CYBB: variants seen among roughly 807,000 people sequenced by gnomAD.
CYBB encodes the protein NADPH oxidase 2.
A neutral mutation model predicts 46.5 loss-of-function variants in CYBB; 5 were observed. That is an observed-to-expected ratio of 0.11 (90% confidence interval 0.06 to 0.23). CYBB has a LOEUF of 0.23. Among genes scored for constraint, CYBB ranks in the 10% least tolerant of loss-of-function variants. The pLI is 1.00. For synonymous variants in CYBB, 183 were observed against 156.7 expected (o/e 1.17, Z -1.26); for missense variants, 307 against 428.3 (o/e 0.72, Z 2.50).
At position 37,813,060 on chromosome X, in the gene CYBB, C is replaced by T. The variant is rs1929706056; in HGVS notation, c.*2143C>T. Reference sequence around the variant, plus strand: ...CAAGGTTTTCTATCTTCAAAACCAACTAAGTTATGAAAGTAGAGAGATCTG... The same window carrying T: ...CAAGGTTTTCTATCTTCAAAACCAATTAAGTTATGAAAGTAGAGAGATCTG... On this transcript the variant is annotated 3_prime_UTR_variant, in exon 13 of 13. Coordinates refer to ENST00000378588, the MANE Select transcript of CYBB (RefSeq NM_000397.4). The T allele has an allele frequency of 9.0e-6, 1 of 111,365 alleles. No homozygotes were observed. The highest frequency in any genetic ancestry group is 1.9e-5 in the Non-Finnish European group (1 of 53,112). The allele number at this position is 111,365 out of a possible 1,213,427, so 9.2% of individuals were successfully genotyped here. A position where few individuals can be genotyped will look rare whatever the true frequency, so the allele number is the denominator to read the frequency against.
intron 4 of CYBB, among the ~76,000 whole-genome samples, chrX:37,793,062 G>A (rs1250222061): frequency 6.6e-5 from 7 of 105,337 alleles, no homozygotes; most frequent in Non-Finnish European, 1.4e-4. Context: ...GTCAATGTAA[G>A]GATTAAGTCA....
rs954738779 is a variant in CYBB at position 37,789,910 on chromosome X, A to G, written c.253-2065A>G. Among the ~76,000 whole-genome samples, 9 of 111,625 alleles carry G rather than the reference A, an allele frequency of 8.1e-5. No individual in the cohort carries two copies. In the South Asian group the frequency reaches 1.9e-3, roughly 23 times the overall value. On this transcript the variant is annotated intron_variant, in intron 3 of 12. Coordinates refer to ENST00000378588, the MANE Select transcript of CYBB (RefSeq NM_000397.4). ...CCCTAAGCACTGGCACTTCCAATCC[A>G]TGCGACAACTGCCCTTTGCAAGCAT...
intron 7 of CYBB, among the ~76,000 whole-genome samples, chrX:37,799,996 T>G (rs782752615): frequency 9.0e-6 from 1 of 111,387 alleles, no homozygotes; most frequent in Non-Finnish European, 1.9e-5. Context: ...AGACACAGCA[T>G]ACTATATGAA....
chrX:37,783,449 G>C (rs782195672), intron 2 of CYBB, 41 bp from the exon 3 acceptor site: 1 of 920,913 alleles, frequency 1.1e-6, no homozygotes. Context: ...CATATTCTGT[G>C]CTCAAAAAAG....
In CYBB at chrX:37,796,804, T is replaced by C. The variant is rs782219888; in HGVS notation, c.674+663T>C. 2.7e-5 allele frequency among the ~76,000 whole-genome samples: 3 copies of C among 111,782 alleles called. No homozygotes were observed. The East Asian group carries it at 8.5e-4, about 32-fold the overall frequency. On this transcript the variant is annotated intron_variant, in intron 6 of 12. Coordinates refer to ENST00000378588, the MANE Select transcript of CYBB (RefSeq NM_000397.4). ...GGATAGTAATTGCAGACAAGAAACC[T>C]GGAGCTAAAATGTTAAAATATGCAG...
In CYBB at chrX:37,806,621, T is replaced by C. The variant is rs1569480148; in HGVS notation, c.1461+88T>C. The C allele has an allele frequency of 4.5e-6, 4 of 898,204 alleles. No homozygotes were observed. The East Asian group carries it at 1.3e-4, about 30-fold the overall frequency. The allele number at this position is 898,204 out of a possible 1,213,427, so 74.0% of individuals were successfully genotyped here. On this transcript the variant is annotated intron_variant, in intron 11 of 12. Coordinates refer to ENST00000378588, the MANE Select transcript of CYBB (RefSeq NM_000397.4). ...TTGGTTATTGGTGTGTCTTGTGTAC[T>C]ATTTTTTCTAAGTATGTTTAGTGGA...
intron 11 of CYBB, among the ~76,000 whole-genome samples, chrX:37,808,970 A>G (rs1929615625): frequency 8.9e-6 from 1 of 112,178 alleles, no homozygotes; most frequent in Admixed American, 9.4e-5. Flanking sequence ...CTTTTATGAA[A>G]AATACCTGTT....
intron 5 of CYBB, among the ~76,000 whole-genome samples, chrX:37,794,372 T>C (rs1399364041): frequency 1.8e-5 from 2 of 111,513 alleles, no homozygotes; most frequent in African/African-American, 6.5e-5. Context: ...TAGGACTAAG[T>C]CTATAATAGG....
At chrX:37,798,110 A>G (rs992142647) in intron 6 of CYBB, 1 of 111,963 alleles carries the variant, frequency 8.9e-6, no homozygotes, top group Non-Finnish European at 1.9e-5. Flanking sequence ...AAATGACACA[A>G]TAAATTTTAG....
chrX:37,793,676 A>G lies in CYBB; in HGVS notation c.349A>G (p.Ile117Val), dbSNP rs781951047. 8.3e-7 allele frequency: 1 copy of G among 1,208,640 alleles called. No homozygotes were observed. The highest frequency in any genetic ancestry group is 1.8e-5 in the South Asian group (1 of 56,925). The change falls in exon 5 of 13, where the codon ATT (isoleucine) becomes GTT (valine). Residue 117 changes from isoleucine (I) to valine (V), a missense_variant. Ile to Val is a conservative substitution (Grantham distance 29, BLOSUM62 3). Coordinates refer to ENST00000378588, the MANE Select transcript of CYBB (RefSeq NM_000397.4). ...TCTGCCCTTTTCAGCGATTCACACC[A>G]TTGCACATCTATTTAATGTGGAATG... ...MIALHSAIHT[I>V]AHLFNVEWCV...
chrX:37,804,155 A>G, intron 9 of CYBB, 25 bp downstream of exon 9: 1 of 1,204,220 alleles, frequency 8.3e-7, no homozygotes, highest in South Asian at 1.8e-5. Context: ...CATATTACCA[A>G]CGTATATGAG....
chrX:37,806,079 G>GC (rs1929555510), intron 10 of CYBB, among the ~76,000 whole-genome samples: 1 of 111,976 alleles, frequency 8.9e-6, no homozygotes, highest in African/African-American at 3.2e-5. Flanking sequence ...CTGAGAAGAG[G>GC]TTCGAAGGAA....
At chrX:37,801,154 C>A in intron 7 of CYBB, 102 bp from the exon 8 acceptor site, 1 of 572,166 alleles carries the variant, frequency 1.7e-6, no homozygotes, top group Admixed American at 2.2e-5. Flanking sequence ...TTTAAGCAAG[C>A]CTACAAAGAT....
chrX:37,782,088 C>T lies in CYBB; in HGVS notation c.46C>T (p.Leu16=). ...VNEGLSIFVI[L]VWLGLNVFLF... is the part of the protein sequence containing the mutation. ...CATGCAATTATTTCTGTTTGTGCAG[C>T]TGGTTTGGCTGGGGTTGAACGTCTT... Residue 16 remains leucine, a splice_region_variant and synonymous_variant, in exon 2 of 13, where the codon CTG becomes TTG. Coordinates refer to ENST00000378588, the MANE Select transcript of CYBB (RefSeq NM_000397.4). 1 of 1,201,721 alleles carries T rather than the reference C, an allele frequency of 8.3e-7. No individual in the cohort carries two copies. The highest frequency in any genetic ancestry group is 1.1e-6 in the Non-Finnish European group (1 of 886,534).
chrX:37,809,862 C>T (rs1459766398), intron 12 of CYBB, among the ~76,000 whole-genome samples, 171 bp downstream of exon 12: 1 of 111,937 alleles, frequency 8.9e-6, no homozygotes, highest in Non-Finnish European at 1.9e-5. Flanking sequence ...TAAGAAGGAT[C>T]TTTAAATTAT....
Position 37,801,382 on chromosome X carries a change from T to G in CYBB, c.897+34T>G, listed in dbSNP as rs546163876. On this transcript the variant is annotated intron_variant, in intron 8 of 12. Transcript: ENST00000378588. ...TGGTTTAGTAATTACTAGTGGTCAG[T>G]GTCTAACTATATCATGGACAAGTCT... The G allele has an allele frequency of 9.6e-5, 91 of 947,363 alleles. 1 individual carries two copies. The South Asian group carries it at 1.6e-3, about 17-fold the overall frequency. The allele number at this position is 947,363 out of a possible 1,213,427, so 78.1% of individuals were successfully genotyped here. A position where few individuals can be genotyped will look rare whatever the true frequency, so the allele number is the denominator to read the frequency against.
rs973377081 is a variant in CYBB, at chrX:37,811,095, G to A, written c.*178G>A. 42 of 440,032 alleles carry A rather than the reference G, an allele frequency of 9.5e-5. No individual in the cohort carries two copies. The highest frequency in any genetic ancestry group is 1.3e-4 in the Non-Finnish European group (35 of 262,892). 36.3% of individuals were successfully genotyped at this position (440,032 alleles called of 1,213,427 possible). A position where few individuals can be genotyped will look rare whatever the true frequency, so the allele number is the denominator to read the frequency against. ...TAGTGATAAGTTACATTTATGTGGA[G>A]CTCTATGGTTTTGAGAGCACTTTTA... On this transcript the variant is annotated 3_prime_UTR_variant, in exon 13 of 13. Coordinates refer to ENST00000378588, the MANE Select transcript of CYBB (RefSeq NM_000397.4).
chrX:37,783,693 A>C, intron 3 of CYBB, 93 bp downstream of exon 3: 3 of 583,565 alleles, frequency 5.1e-6, no homozygotes, highest in Non-Finnish European at 8.8e-6. Flanking sequence ...ATGATTTGGG[A>C]GGATTCCAGC....
chrX:37,785,062 T>C (rs1929033468), intron 3 of CYBB, among the ~76,000 whole-genome samples: 1 of 112,415 alleles, frequency 8.9e-6, no homozygotes, highest in South Asian at 3.6e-4. Flanking sequence ...AATTTACTAA[T>C]ATAGGACTAG....
Sources: gnomAD v4.1 joint callset for allele counts (sites outside exome capture counted in the v4.1 genomes callset) on GRCh38, gnomAD v4.1.1 for gene constraint, MANE v1.5 for transcripts, NCBI Gene and HGNC (gene_info 2026-07-23, HGNC 2026-07-21) for gene names.